TMC5: variants seen among roughly 807,000 people sequenced by gnomAD.
TMC5 encodes transmembrane channel-like protein 5.
In TMC5, 86 loss-of-function variants were observed where a neutral mutation model predicts 110.5. That is an observed-to-expected ratio of 0.78 (90% CI 0.65 to 0.93). TMC5 has a LOEUF of 0.93. Ranked by LOEUF, TMC5 falls within the 40% of genes least tolerant of loss-of-function variation. The probability of loss-of-function intolerance (pLI) is 0.00; values close to 1 mark genes in which losing one functional copy is unlikely to be tolerated. For missense variants in TMC5, 1,144 were observed against 1,222.8 expected (o/e 0.94, Z 0.96); for synonymous variants, 455 against 439.5 (o/e 1.04, Z -0.44).
chr16:19,452,408 G>A (rs1283851897), intron 5 of TMC5, among the ~76,000 whole-genome samples: 1 of 152,076 alleles, frequency 6.6e-6, no homozygotes, highest in African/African-American at 2.4e-5. Context: ...AGACATGATT[G>A]ACAAGCATGT....
At chr16:19,467,986 A>T (rs1449958386) in intron 9 of TMC5, among the ~76,000 whole-genome samples, 2 of 150,610 alleles carry the variant, frequency 1.3e-5, no homozygotes, top group African/African-American at 4.9e-5. Flanking sequence ...ATTATTATTA[A>T]TATTTTGAGA....
At chr16:19,421,952 C>T (rs561264029) in intron 1 of TMC5, among the ~76,000 whole-genome samples, 10 of 150,006 alleles carry the variant, frequency 6.7e-5, no homozygotes, top group African/African-American at 2.0e-4. Flanking sequence ...GAGAGAGGGC[C>T]GGGCGCGGTG....
intron 8 of TMC5, among the ~76,000 whole-genome samples, chr16:19,465,047 C>CTT (rs1266469017): frequency 5.9e-5 from 6 of 101,618 alleles, no homozygotes; most frequent in African/African-American, 3.1e-4. Flanking sequence ...TTCTTTCTTT[C>CTT]TTTCTTTCTT....
chr16:19,486,430 G>T (rs905380792), intron 15 of TMC5, among the ~76,000 whole-genome samples: 3 of 152,160 alleles, frequency 2.0e-5, no homozygotes, highest in Admixed American at 6.5e-5. Context: ...AGGCTGGAGT[G>T]CAATGGCACA....
chr16:19,495,309 C>T (rs1160562394), intron 20 of TMC5, among the ~76,000 whole-genome samples: 1 of 23,352 alleles, frequency 4.3e-5, no homozygotes, highest in South Asian at 3.5e-3. Context: ...CCACCGCGCC[C>T]GGCCTACTTC....
In TMC5 at chr16:19,464,028, A is replaced by G. The variant is rs1471653089; in HGVS notation, c.1485+4A>G. 6.2e-7 allele frequency: 1 copy of G among 1,613,142 alleles called. No homozygotes were observed. The highest frequency in any genetic ancestry group is 1.7e-5 in the Admixed American group (1 of 59,898). ...GCTGGAGTTTTTCACTGGGGTGGTA[A>G]GTCCTCCACTTCCCCTACCCCAAGT... On this transcript the variant is annotated splice_donor_region_variant and intron_variant, in intron 8 of 21. Transcript: ENST00000542583.
At chr16:19,411,095 C>CGTGCAGCCCGCCCTGCAG (rs1169533025) in exon 1 of TMC5, 1 of 152,300 alleles carries the variant, frequency 6.6e-6, no homozygotes, top group Non-Finnish European at 1.5e-5. Flanking sequence ...CCGCCGCCTT[C>CGTGCAGCCCGCCCTGCAG]GTGCAGCCCG....
intron 4 of TMC5, among the ~76,000 whole-genome samples, chr16:19,447,156 G>A (rs1967633272): frequency 6.6e-6 from 1 of 152,182 alleles, no homozygotes; most frequent in African/African-American, 2.4e-5. Context: ...TGCAAGGTTG[G>A]TTGGCATTTG....
chr16:19,484,928 T>C (rs970522579), intron 15 of TMC5, among the ~76,000 whole-genome samples: 3 of 151,750 alleles, frequency 2.0e-5, no homozygotes, highest in Non-Finnish European at 4.4e-5. Context: ...ATATTGCCTT[T>C]GATGATGAGT....
chr16:19,458,387 A>G (rs1451612280), intron 5 of TMC5, among the ~76,000 whole-genome samples: 1 of 151,444 alleles, frequency 6.6e-6, no homozygotes, highest in African/African-American at 2.4e-5. Context: ...ATTTTTTTGT[A>G]TTTTTAGTAG....
Position 19,487,335 on chromosome 16 carries a change from A to T in TMC5, c.2573+9A>T, listed in dbSNP as rs1238637191. ...GCCATCACCATCTGGAGGTAGGAGA[A>T]GGTGGCCTTGGGGGAGGTTTTAGAG... On this transcript the variant is annotated intron_variant, in intron 17 of 21. Transcript: ENST00000542583. 1 of 1,610,450 alleles carries T rather than the reference A, an allele frequency of 6.2e-7. No homozygotes were observed. Among genetic ancestry groups the T allele is most frequent in the Non-Finnish European group, 8.5e-7 (1 of 1,178,702 alleles).
upstream of TMC5, among the ~76,000 whole-genome samples, chr16:19,416,264 T>C (rs1384650728): frequency 6.6e-6 from 1 of 152,200 alleles, no homozygotes; most frequent in Non-Finnish European, 1.5e-5. Flanking sequence ...GGACATTCTT[T>C]TTTTCTTTTA....
chr16:19,469,649 C>A, intron 9 of TMC5, 32 bp from the exon 10 acceptor site: 1 of 1,612,794 alleles, frequency 6.2e-7, no homozygotes, highest in Non-Finnish European at 8.5e-7. Context: ...GCCATAATAA[C>A]CTTCAGGTGT....
At chr16:19,482,724 GT>G (rs1194751868) in intron 15 of TMC5, among the ~76,000 whole-genome samples, 1 of 152,108 alleles carries the variant, frequency 6.6e-6, no homozygotes, top group Non-Finnish European at 1.5e-5. Context: ...GTTCTCTATA[GT>G]TTTTTGGATT....
At position 19,487,203 on chromosome 16, in the gene TMC5, T is replaced by C. The variant is rs984652197; in HGVS notation, c.2450T>C (p.Met817Thr). 1.9e-6 allele frequency: 3 copies of C among 1,612,844 alleles called. No individual in the cohort carries two copies. Among genetic ancestry groups the C allele is most frequent in the Non-Finnish European group, 8.5e-7 (1 of 1,179,434 alleles). Residue 817 changes from methionine to threonine, a missense_variant, in exon 17 of 22, where the codon ATG (methionine) becomes ACG (threonine). Met to Thr is a moderately conservative substitution (Grantham distance 81, BLOSUM62 -1). Transcript: ENST00000542583. The part of the protein sequence containing the change: ...IMFYSKNISL[M>T]MNFQPPSKAW... ...CCTCTCTCTCTTCAGATCAGCCTGA[T>C]GATGAATTTCCAGCCTCCGAGCAAA...
chr16:19,486,975 C>T lies in TMC5; in HGVS notation c.2394C>T (p.Pro798=). ...GCATCTTCTTCTGCCCCCTGCTGCC[C>T]TTTATCCAAATGATTATGCTTTTCA... The part of the protein sequence containing the change: ...WIGIFFCPLL[P]FIQMIMLFIM... The change falls in exon 16 of 22, where the codon CCC becomes CCT. Residue 798 remains proline, a synonymous_variant. Transcript: ENST00000542583. 5 of 1,614,114 alleles carry T rather than the reference C, an allele frequency of 3.1e-6. No homozygotes were observed. Among genetic ancestry groups the T allele is most frequent in the Non-Finnish European group, 4.2e-6 (5 of 1,180,042 alleles).
intron 1 of TMC5, among the ~76,000 whole-genome samples, chr16:19,422,611 C>T (rs1003205146): frequency 9.2e-5 from 14 of 152,110 alleles, no homozygotes; most frequent in African/African-American, 3.4e-4. Context: ...GTGGGAGGAT[C>T]TCTTGAGCCC....
At chr16:19,469,884 T>C in intron 10 of TMC5, 59 bp downstream of exon 10, 1 of 1,554,830 alleles carries the variant, frequency 6.4e-7, no homozygotes, top group Non-Finnish European at 8.7e-7. Flanking sequence ...TTCTCCAGTA[T>C]ACCTGTAACT....
chr16:19,450,324 T>A (rs1967720016), intron 5 of TMC5, among the ~76,000 whole-genome samples: 2 of 152,192 alleles, frequency 1.3e-5, no homozygotes. Flanking sequence ...ATTAGTACCT[T>A]CCAGCACCTA....
Sources: allele counts gnomAD v4.1 joint callset (sites outside exome capture counted in the v4.1 genomes callset), GRCh38; gene constraint gnomAD v4.1.1; transcripts MANE v1.5; gene names NCBI Gene and HGNC (gene_info 2026-07-23, HGNC 2026-07-21).